Variants in LRGUK observed in about 807,000 individuals in gnomAD.
LRGUK encodes leucine-rich repeat and guanylate kinase domain-containing protein.
A neutral mutation model predicts 76.0 loss-of-function variants in LRGUK; 65 were observed. The observed-to-expected ratio is 0.85, with a 90% confidence interval of 0.70 to 1.05. The LOEUF (loss-of-function observed/expected upper bound fraction) is 1.05, where lower values mean the gene tolerates loss of function less well. Among genes scored for constraint, LRGUK ranks in the 50% least tolerant of loss-of-function variants. The probability of loss-of-function intolerance (pLI) is 0.00; values close to 1 mark genes in which losing one functional copy is unlikely to be tolerated. For synonymous variants in LRGUK, 268 were observed against 265.6 expected (o/e 1.01, Z -0.09); for missense variants, 758 against 732.8 (o/e 1.03, Z -0.40).
chr7:134,144,622 ATTAAC>A (rs1797895890), intron 4 of LRGUK, among the ~76,000 whole-genome samples: 1 of 152,354 alleles, frequency 6.6e-6, no homozygotes, highest in South Asian at 2.1e-4. Flanking sequence ...TACAAACCAA[ATTAAC>A]TTAAATCCAA....
At chr7:134,207,165 A>G (rs557547043) in intron 15 of LRGUK, among the ~76,000 whole-genome samples, 1 of 152,336 alleles carries the variant, frequency 6.6e-6, no homozygotes, top group South Asian at 2.1e-4. Context: ...GTTAAAAAGC[A>G]TACCTTAACA....
At chr7:134,197,069 A>G (rs1471494554) in exon 13 of LRGUK, 1 of 1,611,624 alleles carries the variant, frequency 6.2e-7, no homozygotes, top group African/African-American at 1.3e-5. Context: ...GTATCGCAAG[A>G]GATGGTTTGG....
intron 11 of LRGUK, among the ~76,000 whole-genome samples, chr7:134,186,787 C>T (rs192872891): frequency 7.9e-4 from 120 of 152,268 alleles, no homozygotes; most frequent in African/African-American, 2.9e-3. Flanking sequence ...ATAATCAGTG[C>T]TATGTGAAAT....
chr7:134,237,118 G>A (rs113509025), intron 16 of LRGUK, among the ~76,000 whole-genome samples: 91 of 133,136 alleles, frequency 6.8e-4, no homozygotes, highest in African/African-American at 2.5e-3. Flanking sequence ...GCAGTGGCAC[G>A]ATCTTGGCTC....
chr7:134,273,305 T>G, the LRGUK span, among the ~76,000 whole-genome samples: 2 of 152,196 alleles, frequency 1.3e-5, no homozygotes, highest in South Asian at 4.1e-4. Context: ...AGCCAGGCAG[T>G]GGGCATGAAT....
chr7:134,177,186 T>G, intron 9 of LRGUK, 123 bp downstream of exon 9: 1 of 593,724 alleles, frequency 1.7e-6, no homozygotes, highest in Non-Finnish European at 3.0e-6. Flanking sequence ...GTACATTAAT[T>G]CATTTAGGGA....
Position 134,178,481 on chromosome 7 carries a change from TACA to T in LRGUK, c.1108-21_1108-19del. 2 of 1,575,750 alleles carry T rather than the reference TACA, an allele frequency of 1.3e-6. No homozygotes were observed. Among genetic ancestry groups the T allele is most frequent in the South Asian group, 1.2e-5 (1 of 86,110 alleles). On this transcript the variant is annotated intron_variant, in intron 9 of 15. Transcript: ENST00000645682. ...TAGAAACAAAACTTTTTTTCCCTTT[TACA>T]TCTCTAATTCTGGAAAAGGTTTCAG...
At chr7:134,271,279 T>C in the LRGUK span, among the ~76,000 whole-genome samples, 1 of 152,004 alleles carries the variant, frequency 6.6e-6, no homozygotes, top group Non-Finnish European at 1.5e-5. Context: ...TTTTAAAATG[T>C]TATATTTTAA....
At position 134,249,138 on chromosome 7, in the gene LRGUK, G is replaced by A. The variant is rs142484717; in HGVS notation, c.2198+62G>A. On this transcript the variant is annotated intron_variant, in intron 18 of 19. Transcript: ENST00000285928. ...TTTCTGCTGGTTAGTTAAAATTATG[G>A]TACTCATCTCTAAGCTTCAGAGAAA... The A allele has an allele frequency of 4.4e-5, 64 of 1,447,260 alleles. No individual in the cohort carries two copies. In the African/African-American group the frequency reaches 6.7e-4, roughly 15 times the overall value. The allele number at this position is 1,447,260 out of a possible 1,614,324, so 89.7% of individuals were successfully genotyped here.
chr7:134,271,333 T>A, the LRGUK span, among the ~76,000 whole-genome samples: 2 of 151,962 alleles, frequency 1.3e-5, no homozygotes, highest in Admixed American at 1.3e-4. Context: ...AATCTTTTTC[T>A]TTTTGATTTG....
intron 8 of LRGUK, among the ~76,000 whole-genome samples, chr7:134,176,408 C>T (rs947227268): frequency 6.6e-6 from 1 of 152,066 alleles, no homozygotes; most frequent in African/African-American, 2.4e-5. Flanking sequence ...TCGACAGAGT[C>T]TCCCTCTGTC....
intron 19 of LRGUK, among the ~76,000 whole-genome samples, chr7:134,263,623 CT>C (rs59840547): frequency 0.17 from 18,952 of 113,980 alleles, 740 homozygotes; most frequent in Admixed American, 0.25. Flanking sequence ...TCATTTCTTT[CT>C]TTTTTTTTTT....
chr7:134,134,501 A>G (rs1359979786), intron 1 of LRGUK, among the ~76,000 whole-genome samples: 2 of 152,182 alleles, frequency 1.3e-5, no homozygotes, highest in Non-Finnish European at 2.9e-5. Flanking sequence ...CAGGAACATC[A>G]GGAGGTGTGA....
chr7:134,257,901 A>G (rs866000289), intron 18 of LRGUK, among the ~76,000 whole-genome samples: 1 of 152,118 alleles, frequency 6.6e-6, no homozygotes, highest in Admixed American at 6.5e-5. Flanking sequence ...TTGTTTCTCT[A>G]TCCTTGAAAT....
chr7:134,166,044 C>A (rs1798965292), intron 7 of LRGUK, among the ~76,000 whole-genome samples: 2 of 151,974 alleles, frequency 1.3e-5, no homozygotes, highest in South Asian at 4.2e-4. Flanking sequence ...TGAGGAGCAA[C>A]CCGCAGGCTC....
chr7:134,168,644 C>A (rs1799101397), intron 7 of LRGUK, among the ~76,000 whole-genome samples: 1 of 152,008 alleles, frequency 6.6e-6, no homozygotes, highest in Non-Finnish European at 1.5e-5. Context: ...AGGCTGGGGT[C>A]TAGAGTTATT....
intron 7 of LRGUK, among the ~76,000 whole-genome samples, chr7:134,166,959 C>T (rs1025208883): frequency 7.9e-5 from 12 of 152,174 alleles, no homozygotes; most frequent in African/African-American, 7.2e-5. Context: ...TTTAATTTCT[C>T]TCTGGATTTA....
At chr7:134,258,284 A>T in exon 19 of LRGUK, 2 of 1,614,116 alleles carry the variant, frequency 1.2e-6, no homozygotes, top group Non-Finnish European at 8.5e-7. Context: ...TTTCCATGAA[A>T]TGTTCATTGT....
At chr7:134,148,149 A>G in intron 4 of LRGUK, 89 bp from the exon 5 acceptor site, 1 of 815,098 alleles carries the variant, frequency 1.2e-6, no homozygotes, top group Non-Finnish European at 2.0e-6. Flanking sequence ...TCTACATTCA[A>G]AAATACCTTC....
Sources: gnomAD v4.1 joint callset for allele counts (sites outside exome capture counted in the v4.1 genomes callset) on GRCh38, gnomAD v4.1.1 for gene constraint, MANE v1.5 for transcripts, NCBI Gene and HGNC (gene_info 2026-07-23, HGNC 2026-07-21) for gene names.